SMC2: variants seen among roughly 807,000 people sequenced by gnomAD.
The protein encoded by SMC2 is structural maintenance of chromosomes protein 2.
In SMC2, 41 loss-of-function variants were observed where a neutral mutation model predicts 142.6. That is an observed-to-expected ratio of 0.29 (90% CI 0.22 to 0.37). The LOEUF (loss-of-function observed/expected upper bound fraction) is 0.37. Ranked by LOEUF, SMC2 falls within the 10% of genes least tolerant of loss-of-function variation. SMC2 has a pLI of 1.00. For missense variants in SMC2, 1,265 were observed against 1,373.7 expected, an observed-to-expected ratio of 0.92 and a Z score of 1.25; for synonymous variants, 463 against 457.5, an observed-to-expected ratio of 1.01 and a Z score of -0.15.
In SMC2 at chr9:104,114,726, A is replaced by C. The variant is rs1013486610; in HGVS notation, c.1568A>C (p.Lys523Thr). The C allele has an allele frequency of 1.2e-5, 20 of 1,612,616 alleles. No homozygotes were observed. Among genetic ancestry groups the C allele is most frequent in the Non-Finnish European group, 1.7e-5 (20 of 1,179,156 alleles). The change falls in exon 13 of 25, where the codon AAA becomes ACA. Residue 523 changes from lysine to threonine, a missense_variant. This residue lies in a region of SMC2 where 898 missense variants were observed against 904.2 expected (regional missense o/e 0.99). Coordinates refer to ENST00000374793, the MANE Select transcript of SMC2 (RefSeq NM_006444.3). ...AAGAACTGGAATAGAAATTGTGTGA[A>C]AGGACTTGTGGCTTCTCTGATTAGT... ...PEKNWNRNCV[K>T]GLVASLISVK...
At chr9:104,138,514 A>G (rs1481497828) in intron 24 of SMC2, among the ~76,000 whole-genome samples, 1 of 152,210 alleles carries the variant, frequency 6.6e-6, no homozygotes, top group African/African-American at 2.4e-5. Flanking sequence ...TAACTGAGGT[A>G]TCAGAAAATC....
chr9:104,137,214 G>A (rs1029803659), intron 23 of SMC2, among the ~76,000 whole-genome samples: 3 of 152,062 alleles, frequency 2.0e-5, no homozygotes, highest in African/African-American at 7.2e-5. Flanking sequence ...TGTACTTGAA[G>A]TTACAGAATA....
chr9:104,137,340 A>G (rs1320797239), intron 23 of SMC2, among the ~76,000 whole-genome samples: 2 of 152,150 alleles, frequency 1.3e-5, no homozygotes, highest in African/African-American at 4.8e-5. Flanking sequence ...ATATAATAAT[A>G]ATTATGATTC....
rs756988255 is a variant in SMC2 at position 104,102,057 on chromosome 9, C to G, written c.734C>G (p.Thr245Ser). 1 of 1,608,754 alleles carries G rather than the reference C, an allele frequency of 6.2e-7. No homozygotes were observed. The highest frequency in any genetic ancestry group is 1.1e-5 in the South Asian group (1 of 90,850). The change falls in exon 8 of 25, where the codon ACC becomes AGC. Residue 245 changes from threonine (T) to serine (S), a missense_variant. Physicochemically the swap from Thr to Ser is moderately conservative, Grantham distance 58 (BLOSUM62 1). Coordinates refer to ENST00000374793, the MANE Select transcript of SMC2 (RefSeq NM_006444.3). ...TATCAGTTTTTGCTGGCTGAAGATA[C>G]CAAAGTACGCTCAGCTGAGGAATTA... The part of the protein sequence containing the change: ...IAYQFLLAED[T>S]KVRSAEELKE...
At chr9:104,091,911 T>A (rs532247553), upstream of SMC2, among the ~76,000 whole-genome samples, 40 of 152,264 alleles carry the variant, frequency 2.6e-4, no homozygotes, top group Admixed American at 2.4e-3. Context: ...AGCTGCCAGA[T>A]TTCTGCTTGA....
At chr9:104,125,128 G>A in intron 18 of SMC2, 23 bp downstream of exon 18, 1 of 1,529,402 alleles carries the variant, frequency 6.5e-7, no homozygotes, top group Non-Finnish European at 8.8e-7. Flanking sequence ...TTTTGAAATT[G>A]AACCAACCTT....
Position 104,118,174 on chromosome 9 carries a change from G to T in SMC2, c.1795G>T (p.Gly599Cys), listed in dbSNP as rs748758756. 1.4e-5 allele frequency: 22 copies of T among 1,613,350 alleles called. No individual in the cohort carries two copies. The Admixed American group carries it at 3.5e-4, about 26-fold the overall frequency. ...CATATCTGTTGTTGTCCCACAGGTTGGCCCTGACAACGTTCATGTGGCTCT... is the reference window on the plus strand; with the variant it reads ...CATATCTGTTGTTGTCCCACAGGTTTGCCCTGACAACGTTCATGTGGCTCT... ...ETLRVAQNLVGPDNVHVALSL... is the reference protein window; with the variant it reads ...ETLRVAQNLVCPDNVHVALSL... The change falls in exon 15 of 25, where the codon GGC (glycine) becomes TGC (cysteine). Residue 599 changes from glycine to cysteine, a missense_variant. Transcript: ENST00000374793.
At chr9:104,107,167 G>A (rs912382610) in intron 9 of SMC2, among the ~76,000 whole-genome samples, 3 of 152,146 alleles carry the variant, frequency 2.0e-5, no homozygotes, top group African/African-American at 7.2e-5. Flanking sequence ...TTTTGAGCCT[G>A]CCCCAATTCA....
intron 15 of SMC2, among the ~76,000 whole-genome samples, chr9:104,118,583 ATTC>A (rs1833387204): frequency 6.6e-6 from 1 of 152,208 alleles, no homozygotes; most frequent in African/African-American, 2.4e-5. Flanking sequence ...CCTTAAAGGA[ATTC>A]TTAGACAGTG....
At chr9:104,112,818 A>G (rs1475069930) in intron 10 of SMC2, among the ~76,000 whole-genome samples, 2 of 152,156 alleles carry the variant, frequency 1.3e-5, no homozygotes, top group African/African-American at 4.8e-5. Flanking sequence ...CTAGCATTTA[A>G]TTATCAGACT....
intron 10 of SMC2, among the ~76,000 whole-genome samples, chr9:104,113,006 TA>T (rs1298947329): frequency 6.6e-6 from 1 of 152,170 alleles, no homozygotes; most frequent in East Asian, 1.9e-4. Flanking sequence ...GTTCTTTTTT[TA>T]ATTACCAGCT....
Position 104,139,345 on chromosome 9 carries a change from G to T in SMC2, c.*30G>T, listed in dbSNP as rs777261514. On this transcript the variant is annotated 3_prime_UTR_variant, in exon 25 of 25. Coordinates refer to ENST00000374793, the MANE Select transcript of SMC2 (RefSeq NM_006444.3). ...CAAAGTTATTTCTTCATCTTGACCT[G>T]TTTTTTTAAATGTAAACTTTTAAGG... 4.6e-6 allele frequency: 7 copies of T among 1,533,318 alleles called. No homozygotes were observed. In the South Asian group the frequency reaches 7.6e-5, roughly 17 times the overall value. The allele number at this position is 1,533,318 out of a possible 1,614,324, so 95.0% of individuals were successfully genotyped here.
Position 104,141,108 on chromosome 9 carries a change from T to G in SMC2, c.*1793T>G. On this transcript the variant is annotated 3_prime_UTR_variant, in exon 25 of 25. Transcript: ENST00000374793. ...ATTGGGGACATTTGTTTCACACATCTGCAGTAATATGAGTTAACTAATATT... is the reference window on the plus strand; with the variant it reads ...ATTGGGGACATTTGTTTCACACATCGGCAGTAATATGAGTTAACTAATATT... 1 of 152,236 alleles carries G rather than the reference T, an allele frequency of 6.6e-6. No homozygotes were observed. The highest frequency in any genetic ancestry group is 1.9e-4 in the East Asian group (1 of 5,204). The allele number at this position is 152,236 out of a possible 1,614,324, so 9.4% of individuals were successfully genotyped here.
intron 2 of SMC2, 24 bp from the exon 3 acceptor site, chr9:104,096,109 GAGTTTTGTAATTGTT>G: frequency 6.3e-7 from 1 of 1,589,146 alleles, no homozygotes; most frequent in Non-Finnish European, 8.6e-7. Context: ...GTACGGTAGG[GAGTTTTGTAATTGTT>G]ACACTTTTCA....
At chr9:104,100,478 A>C in intron 7 of SMC2, 45 bp downstream of exon 7, 1 of 1,265,108 alleles carries the variant, frequency 7.9e-7, no homozygotes, top group Non-Finnish European at 1.1e-6. Context: ...ATGTCTTTCA[A>C]AGTCAGCAAT....
chr9:104,140,258 C>T lies in SMC2; in HGVS notation c.*943C>T, dbSNP rs1835949813. On this transcript the variant is annotated 3_prime_UTR_variant, in exon 25 of 25. Transcript: ENST00000374793. ...CAATCCATCTGTTCCACCAAAATAA[C>T]TCAAAAGTTGGATGATTATTTGTCT... The T allele has an allele frequency of 6.6e-6, 1 of 151,928 alleles. No homozygotes were observed. Among genetic ancestry groups the T allele is most frequent in the Non-Finnish European group, 1.5e-5 (1 of 67,960 alleles). 9.4% of individuals were successfully genotyped at this position (151,928 alleles called of 1,614,324 possible). A position where few individuals can be genotyped will look rare whatever the true frequency, so the allele number is the denominator to read the frequency against.
chr9:104,090,438 G>A (rs147838679), upstream of SMC2, among the ~76,000 whole-genome samples: 283 of 152,100 alleles, frequency 1.9e-3, 2 homozygotes, highest in Middle Eastern at 0.054. Context: ...GCCAGCTACC[G>A]GAACTGGAAA....
chr9:104,111,411 G>A (rs1832430422), intron 9 of SMC2, among the ~76,000 whole-genome samples, 170 bp from the exon 10 acceptor site: 1 of 152,132 alleles, frequency 6.6e-6, no homozygotes, highest in African/African-American at 2.4e-5. Flanking sequence ...TAAAAACTGA[G>A]AGTGAATTTC....
At chr9:104,098,373 C>A in intron 3 of SMC2, 73 bp from the exon 4 acceptor site, 1 of 1,246,710 alleles carries the variant, frequency 8.0e-7, no homozygotes, top group Non-Finnish European at 1.1e-6. Context: ...TAAACGTAAG[C>A]TAATATACTT....
Sources: gnomAD v4.1 joint callset for allele counts (sites outside exome capture counted in the v4.1 genomes callset) on GRCh38, gnomAD v4.1.1 for gene constraint, gnomAD v4.1.1 regional missense constraint, MANE v1.5 for transcripts, NCBI Gene and HGNC (gene_info 2026-07-23, HGNC 2026-07-21) for gene names.